POTEE: variants seen among roughly 807,000 people sequenced by gnomAD.
The protein encoded by POTEE is POTE ankyrin domain family member E, also known as ANKRD26-like family C member 1A.
In POTEE, 21 loss-of-function variants were observed where a neutral mutation model predicts 74.2. The observed-to-expected ratio is 0.28, with a 90% confidence interval of 0.20 to 0.41. The LOEUF (loss-of-function observed/expected upper bound fraction) is 0.41. Ranked by LOEUF, POTEE falls within the 10% of genes least tolerant of loss-of-function variation. The pLI is 1.00. For missense variants in POTEE, 525 were observed against 1,158.6 expected, an observed-to-expected ratio of 0.45 and a Z score of 7.94; for synonymous variants, 211 against 432.8, an observed-to-expected ratio of 0.49 and a Z score of 6.36.
chr2:131,264,996 C>T lies in POTEE; in HGVS notation c.*313C>T. 1 of 547,142 alleles carries T rather than the reference C, an allele frequency of 1.8e-6. No homozygotes were observed. Among genetic ancestry groups the T allele is most frequent in the Non-Finnish European group, 3.2e-6 (1 of 312,112 alleles). 33.9% of individuals were successfully genotyped at this position (547,142 alleles called of 1,614,324 possible). A position where few individuals can be genotyped will look rare whatever the true frequency, so the allele number is the denominator to read the frequency against. ...TGCCCTGCTAAAAGCCATCCCACTT[C>T]TCTCTAAGGAGAATGGCCCAGTCCT... On this transcript the variant is annotated 3_prime_UTR_variant, in exon 18 of 18. Coordinates refer to ENST00000683005, the MANE Select transcript of POTEE (RefSeq NM_001083538.3).
chr2:131,216,432 G>C (rs528527961), intron 2 of POTEE, among the ~76,000 whole-genome samples: 171 of 152,236 alleles, frequency 1.1e-3, no homozygotes, highest in Admixed American at 3.1e-3. Flanking sequence ...CCTAATCTTT[G>C]ACAAAGCAAA....
At chr2:131,229,340 TAGA>T (rs1266473570) in intron 8 of POTEE, among the ~76,000 whole-genome samples, 1 of 149,528 alleles carries the variant, frequency 6.7e-6, no homozygotes, top group Non-Finnish European at 1.5e-5. Flanking sequence ...ATATCCTGTA[TAGA>T]ACCCAGTAGA....
intron 17 of POTEE, among the ~76,000 whole-genome samples, chr2:131,262,695 A>G (rs1182742239): frequency 2.0e-5 from 3 of 152,126 alleles, no homozygotes. Flanking sequence ...AAGAATCGCG[A>G]TCTTAAATGA....
At chr2:131,219,660 C>A (rs1406017311) in intron 4 of POTEE, among the ~76,000 whole-genome samples, 2 of 151,942 alleles carry the variant, frequency 1.3e-5, no homozygotes, top group Non-Finnish European at 2.9e-5. Flanking sequence ...TGGCGTGAAC[C>A]CGGGAGGTGG....
chr2:131,215,421 G>T (rs1190127627), intron 2 of POTEE, among the ~76,000 whole-genome samples: 2 of 152,170 alleles, frequency 1.3e-5, no homozygotes, highest in Non-Finnish European at 1.5e-5. Context: ...TGTGACTCAT[G>T]AGAGAGGGAG....
Position 131,265,064 on chromosome 2 carries a change from C to T in POTEE, c.*381C>T, listed in dbSNP as rs577077964. ...GGGAGGTGATAGCATTGCTTTTGTG[C>T]AAATTACATAATGCAAAATTTTTTG... On this transcript the variant is annotated 3_prime_UTR_variant, in exon 18 of 18. Transcript: ENST00000683005. 15 of 276,856 alleles carry T rather than the reference C, an allele frequency of 5.4e-5. No individual in the cohort carries two copies. The highest frequency in any genetic ancestry group is 2.2e-4 in the African/African-American group (10 of 45,206). The allele number at this position is 276,856 out of a possible 1,614,324, so 17.1% of individuals were successfully genotyped here.
At chr2:131,221,565 T>C (rs1700618777) in intron 4 of POTEE, among the ~76,000 whole-genome samples, 1 of 152,210 alleles carries the variant, frequency 6.6e-6, no homozygotes, top group Non-Finnish European at 1.5e-5. Flanking sequence ...GCTTCTTGCA[T>C]AGATGCAAAT....
intron 6 of POTEE, among the ~76,000 whole-genome samples, chr2:131,225,525 A>G (rs552138081): frequency 1.4e-5 from 2 of 143,416 alleles, no homozygotes; most frequent in East Asian, 4.1e-4. Flanking sequence ...GGGGTTGGAT[A>G]TGTGCTGATT....
rs766031955 is a variant in POTEE at position 131,218,639 on chromosome 2, C to T, written c.237C>T (p.Asn79=). ...FPCCRGSGKS[N]VGASGDHDDS... ...GCTGCAGGGGGAGTGGCAAGAGCAA[C>T]GTGGGCGCTTCTGGAGACCACGACG... Residue 79 remains asparagine (N), a synonymous_variant, in exon 4 of 18, where the codon AAC becomes AAT. Coordinates refer to ENST00000683005, the MANE Select transcript of POTEE (RefSeq NM_001083538.3). The T allele has an allele frequency of 2.0e-5, 32 of 1,602,722 alleles. No homozygotes were observed. Among genetic ancestry groups the T allele is most frequent in the South Asian group, 3.3e-5 (3 of 90,366 alleles).
Position 131,209,543 on chromosome 2 carries a change from G to T in POTEE, c.-621G>T, listed in dbSNP as rs1226105441. ...CGGAGGTGGCGTCAGGTCATTTCAG[G>T]CTCTTAAGTGTGGGCGTTTGGTAAC... is the stretch of plus-strand genomic sequence containing the variant. On this transcript the variant is annotated 5_prime_UTR_variant, in exon 1 of 18. Coordinates refer to ENST00000683005, the MANE Select transcript of POTEE (RefSeq NM_001083538.3). 6.6e-6 allele frequency among the ~76,000 whole-genome samples: 1 copy of T among 152,206 alleles called. No homozygotes were observed. Among genetic ancestry groups the T allele is most frequent in the African/African-American group, 2.4e-5 (1 of 41,458 alleles).
rs1168470840 is a variant in POTEE at position 131,218,312 on chromosome 2, T to A, written c.-91T>A. 12 of 1,589,520 alleles carry A rather than the reference T, an allele frequency of 7.5e-6. No homozygotes were observed. The highest frequency in any genetic ancestry group is 1.0e-5 in the Non-Finnish European group (12 of 1,168,118). On this transcript the variant is annotated splice_region_variant and 5_prime_UTR_variant, in exon 4 of 18. Coordinates refer to ENST00000683005, the MANE Select transcript of POTEE (RefSeq NM_001083538.3). ...GATTGACATTTCTCTTCAAACAGAT[T>A]GGAAACCCGGAGTTACCTGCTAGTT... is the stretch of plus-strand genomic sequence containing the variant.
At chr2:131,211,547 T>G (rs1352876390) in intron 2 of POTEE, among the ~76,000 whole-genome samples, 11 of 82,076 alleles carry the variant, frequency 1.3e-4, no homozygotes, top group Admixed American at 5.1e-4. Context: ...TGTGGCTTTT[T>G]TTTTTTTTTT....
In POTEE at chr2:131,220,971, AAAG is replaced by A. The variant is rs1252602724; in HGVS notation, c.521+2051_521+2053del. ...GTGAGACTCCATCTCAAAAAAAAAA[AAAG>A]AAAAAAAAAAAGGAATGAAATACTG... On this transcript the variant is annotated intron_variant, in intron 4 of 17. Transcript: ENST00000683005. Among the ~76,000 whole-genome samples, 495 of 151,612 alleles carry A rather than the reference AAAG, an allele frequency of 3.3e-3. 1 individual carries two copies. Among genetic ancestry groups the A allele is most frequent in the Non-Finnish European group, 4.4e-3 (301 of 67,892 alleles).
At chr2:131,213,474 A>G (rs920799255) in intron 2 of POTEE, among the ~76,000 whole-genome samples, 1 of 152,104 alleles carries the variant, frequency 6.6e-6, no homozygotes, top group Non-Finnish European at 1.5e-5. Context: ...GTTATTTTTA[A>G]GGTTATGAGC....
At chr2:131,262,206 T>C (rs1701724421) in intron 17 of POTEE, among the ~76,000 whole-genome samples, 1 of 111,702 alleles carries the variant, frequency 9.0e-6, no homozygotes, top group African/African-American at 2.7e-5. Flanking sequence ...GTCAATTGAT[T>C]ATTTTTACTG....
intron 2 of POTEE, among the ~76,000 whole-genome samples, chr2:131,211,930 G>A (rs1397875643): frequency 6.6e-6 from 1 of 151,336 alleles, no homozygotes; most frequent in Admixed American, 6.6e-5. Context: ...GATAAAAGGT[G>A]TCATAATAGG....
chr2:131,216,962 A>G (rs1194374720), intron 2 of POTEE, among the ~76,000 whole-genome samples: 2 of 152,250 alleles, frequency 1.3e-5, no homozygotes, highest in Non-Finnish European at 2.9e-5. Context: ...AATGGGTGCA[A>G]AGTTTCTTTT....
chr2:131,218,576 G>C lies in POTEE; in HGVS notation c.174G>C (p.Arg58Ser), dbSNP rs776086352. 3.5e-5 allele frequency: 57 copies of C among 1,612,668 alleles called. 2 individuals are homozygous for C. The South Asian group carries it at 6.2e-4, about 17-fold the overall frequency. Residue 58 changes from arginine to serine, a missense_variant, in exon 4 of 18, where the codon AGG becomes AGC. Transcript: ENST00000683005. ...DHDDSAMKTL[R>S]SKMGKWCHHC... ...ACGACTCTGCTATGAAGACACTCAG[G>C]AGCAAGATGGGCAAGTGGTGCCACC...
intron 1 of POTEE, among the ~76,000 whole-genome samples, 96 bp from the exon 2 acceptor site, chr2:131,210,932 G>A (rs1191095274): frequency 7.3e-5 from 11 of 151,214 alleles, no homozygotes; most frequent in Non-Finnish European, 1.6e-4. Flanking sequence ...TCGGTGGGTG[G>A]GTGTGAGTGC....
Sources: gnomAD v4.1 joint callset for allele counts (sites outside exome capture counted in the v4.1 genomes callset) on GRCh38, gnomAD v4.1.1 for gene constraint, MANE v1.5 for transcripts, NCBI Gene and HGNC (gene_info 2026-07-23, HGNC 2026-07-21) for gene names.